MITF: variants seen among roughly 807,000 people sequenced by gnomAD.
The protein encoded by MITF is melanocyte inducing transcription factor.
In MITF, 17 loss-of-function variants were observed where a neutral mutation model predicts 60.5. That is an observed-to-expected ratio of 0.28 (90% CI 0.19 to 0.42). The LOEUF is 0.42. Among genes scored for constraint, MITF ranks in the 10% least tolerant of loss-of-function variants. The pLI is 1.00. For missense variants in MITF, 622 were observed against 683.5 expected (o/e 0.91, Z 1.00); for synonymous variants, 260 against 248.5 (o/e 1.05, Z -0.43).
chr3:69,817,093 T>C (rs528283120), intron 1 of MITF, among the ~76,000 whole-genome samples: 14 of 152,228 alleles, frequency 9.2e-5, no homozygotes, highest in African/African-American at 2.9e-4. Flanking sequence ...CTCATATAAG[T>C]TTAGGGATAC....
intron 1 of MITF, among the ~76,000 whole-genome samples, chr3:69,822,741 C>T (rs2063295014): frequency 6.6e-6 from 1 of 152,196 alleles, no homozygotes; most frequent in African/African-American, 2.4e-5. Flanking sequence ...CACCCACCCA[C>T]ATACAAACAC....
At chr3:69,891,965 T>G (rs1006450393) in intron 2 of MITF, among the ~76,000 whole-genome samples, 3 of 152,192 alleles carry the variant, frequency 2.0e-5, no homozygotes, top group African/African-American at 7.2e-5. Context: ...AAGAAAACAA[T>G]AAGAAACTCT....
chr3:69,949,351 T>G (rs998451033), intron 6 of MITF, among the ~76,000 whole-genome samples, 183 bp downstream of exon 6: 5 of 151,812 alleles, frequency 3.3e-5, no homozygotes, highest in Non-Finnish European at 7.4e-5. Context: ...GAAAATTCTG[T>G]TTTTTTTCAA....
chr3:69,832,280 C>G (rs1309463989), intron 1 of MITF, among the ~76,000 whole-genome samples: 5 of 152,150 alleles, frequency 3.3e-5, no homozygotes, highest in Non-Finnish European at 7.3e-5. Context: ...ACATCTTTCT[C>G]TATCTCAAGG....
chr3:69,746,224 C>T (rs774437145), intron 1 of MITF, among the ~76,000 whole-genome samples: 1 of 152,154 alleles, frequency 6.6e-6, no homozygotes. Flanking sequence ...GTTTAATTCC[C>T]TTTGAGTTCT....
intron 2 of MITF, chr3:69,936,522 A>AC: frequency 7.8e-7 from 1 of 1,288,998 alleles, no homozygotes; most frequent in Non-Finnish European, 1.0e-6. Flanking sequence ...CCTTATGTGA[A>AC]CGTTTTTTTT....
At chr3:69,946,476 C>G (rs2066099636) in intron 5 of MITF, among the ~76,000 whole-genome samples, 1 of 152,114 alleles carries the variant, frequency 6.6e-6, no homozygotes, top group Admixed American at 6.5e-5. Context: ...GGGACGTGAG[C>G]CTCCGACCAA....
chr3:69,889,122 C>T (rs2064700193), intron 2 of MITF, among the ~76,000 whole-genome samples: 1 of 137,168 alleles, frequency 7.3e-6, no homozygotes. Context: ...ATGAGAAGCA[C>T]AGAACCTCAT....
intron 2 of MITF, chr3:69,937,084 T>C (rs2065855373): frequency 8.4e-6 from 2 of 237,302 alleles, no homozygotes; most frequent in Non-Finnish European, 1.6e-5. Context: ...TGGGGAAAAG[T>C]ATTTCTCGTT....
chr3:69,938,943 A>G (rs1576007552), intron 3 of MITF, 155 bp from the exon 4 acceptor site: 1 of 1,514,206 alleles, frequency 6.6e-7, no homozygotes, highest in East Asian at 2.5e-5. Context: ...ATTTGACACA[A>G]GTTCTTCCTT....
intron 2 of MITF, among the ~76,000 whole-genome samples, chr3:69,897,041 A>G (rs2064890981): frequency 6.6e-6 from 1 of 152,200 alleles, no homozygotes; most frequent in Admixed American, 6.5e-5. Context: ...GAAGCAGTGA[A>G]ATGCAAGGTA....
intron 1 of MITF, among the ~76,000 whole-genome samples, chr3:69,811,805 G>GAGAGA (rs2063104726): frequency 6.6e-6 from 1 of 152,180 alleles, no homozygotes; most frequent in Non-Finnish European, 1.5e-5. Flanking sequence ...GAGGAAGACT[G>GAGAGA]TGTACACAGA....
intron 1 of MITF, among the ~76,000 whole-genome samples, chr3:69,813,041 A>G (rs995595403): frequency 1.5e-4 from 23 of 152,158 alleles, no homozygotes; most frequent in African/African-American, 5.5e-4. Context: ...ACTTACTATG[A>G]GCCACTTACA....
At chr3:69,885,870 A>G (rs1211321386) in intron 2 of MITF, among the ~76,000 whole-genome samples, 1 of 152,104 alleles carries the variant, frequency 6.6e-6, no homozygotes, top group Non-Finnish European at 1.5e-5. Context: ...TCTCCCCAGG[A>G]AAACTGTTAT....
intron 2 of MITF, among the ~76,000 whole-genome samples, chr3:69,910,484 G>A (rs990250921): frequency 5.3e-5 from 8 of 152,130 alleles, no homozygotes; most frequent in African/African-American, 7.2e-5. Flanking sequence ...CACTGACAGC[G>A]TGAAGTGTGA....
intron 2 of MITF, among the ~76,000 whole-genome samples, chr3:69,915,619 G>A (rs879292447): frequency 1.3e-5 from 2 of 151,978 alleles, no homozygotes; most frequent in Admixed American, 1.3e-4. Flanking sequence ...GCAACAATAA[G>A]CAACTTTTGT....
At chr3:69,756,166 G>A (rs2106785892) in intron 1 of MITF, among the ~76,000 whole-genome samples, 1 of 152,076 alleles carries the variant, frequency 6.6e-6, no homozygotes, top group Admixed American at 6.5e-5. Flanking sequence ...TGCAGAATGT[G>A]CAGGTTTGTT....
intron 2 of MITF, among the ~76,000 whole-genome samples, chr3:69,880,490 A>G (rs549607191): frequency 4.7e-4 from 71 of 152,264 alleles, no homozygotes; most frequent in African/African-American, 1.5e-3. Flanking sequence ...GGGTTAGGGA[A>G]AAAAGATACA....
At chr3:69,859,006 G>T (rs530357947) in intron 1 of MITF, among the ~76,000 whole-genome samples, 44 of 152,196 alleles carry the variant, frequency 2.9e-4, no homozygotes, top group Non-Finnish European at 5.6e-4. Flanking sequence ...ATTAATCTAT[G>T]AAATAGGTAG....
Sources: gnomAD v4.1 joint callset for allele counts (sites outside exome capture counted in the v4.1 genomes callset) on GRCh38, gnomAD v4.1.1 for gene constraint, MANE v1.5 for transcripts, NCBI Gene and HGNC (gene_info 2026-07-23, HGNC 2026-07-21) for gene names.